TRAPPC13: variants seen among roughly 807,000 people sequenced by gnomAD.
TRAPPC13 encodes the protein trafficking protein particle complex subunit 13, also known as REV7-interacting novel NHEJ regulator 1.
A neutral mutation model predicts 54.0 loss-of-function variants in TRAPPC13; 39 were observed. That is an observed-to-expected ratio of 0.72 (90% CI 0.56 to 0.94). The LOEUF (loss-of-function observed/expected upper bound fraction) is 0.94, where lower values mean the gene tolerates loss of function less well. Ranked by LOEUF, TRAPPC13 falls within the 40% of genes least tolerant of loss-of-function variation. The pLI, the probability that TRAPPC13 is intolerant of heterozygous loss-of-function variation, is 0.00. For missense variants in TRAPPC13, 386 were observed against 488.1 expected (o/e 0.79, Z 1.97); for synonymous variants, 148 against 167.7 (o/e 0.88, Z 0.91).
At chr5:65,642,747 A>T (rs968793813) in intron 4 of TRAPPC13, among the ~76,000 whole-genome samples, 2 of 152,060 alleles carry the variant, frequency 1.3e-5, no homozygotes, top group Non-Finnish European at 2.9e-5. Flanking sequence ...TGTAGCCTCC[A>T]CCTCCAAGGT....
At position 65,657,026 on chromosome 5, in the gene TRAPPC13, G is replaced by A. The variant is rs576793999; in HGVS notation, c.565-1342G>A. Among the ~76,000 whole-genome samples, 934 of 145,380 alleles carry A rather than the reference G, an allele frequency of 6.4e-3. 11 individuals are homozygous for A. The highest frequency in any genetic ancestry group is 0.022 in the African/African-American group (880 of 39,196). ...TGGGAGGTGGAGGTTGCAGTGAGAGGAGATCTTGCCACTGCATTCTACTCT... is the reference window on the plus strand; with the variant it reads ...TGGGAGGTGGAGGTTGCAGTGAGAGAAGATCTTGCCACTGCATTCTACTCT... On this transcript the variant is annotated intron_variant, in intron 8 of 12. Transcript: ENST00000399438.
At chr5:65,628,408 A>G (rs948777701) in intron 1 of TRAPPC13, among the ~76,000 whole-genome samples, 1 of 152,104 alleles carries the variant, frequency 6.6e-6, no homozygotes, top group Non-Finnish European at 1.5e-5. Context: ...ACAGAGAATG[A>G]CGTGAAATCA....
chr5:65,629,355 G>A, intron 1 of TRAPPC13: 3 of 736,874 alleles, frequency 4.1e-6, no homozygotes, highest in Non-Finnish European at 5.6e-6. Context: ...TAGCACTTTG[G>A]TAAAATACCA....
chr5:65,649,765 T>C lies in TRAPPC13; in HGVS notation c.429-1045T>C, dbSNP rs548111855. 3.3e-5 allele frequency among the ~76,000 whole-genome samples: 5 copies of C among 152,318 alleles called. No individual in the cohort carries two copies. In the South Asian group the frequency reaches 1.0e-3, roughly 32 times the overall value. On this transcript the variant is annotated intron_variant, in intron 5 of 12. Transcript: ENST00000399438. ...CAAGTATTTTATCCTAGTTTGTTTC[T>C]GCTTTGTAATTGTTTTAGTGTTTTT... is the stretch of plus-strand genomic sequence containing the variant.
chr5:65,647,273 T>C (rs1756251331), intron 5 of TRAPPC13, 91 bp downstream of exon 5: 3 of 1,135,474 alleles, frequency 2.6e-6, no homozygotes, highest in South Asian at 3.4e-5. Context: ...CCATGAAGCA[T>C]AGGAACCTAC....
intron 6 of TRAPPC13, among the ~76,000 whole-genome samples, chr5:65,651,371 ACT>A (rs1756426427): frequency 6.6e-6 from 1 of 152,164 alleles, no homozygotes; most frequent in African/African-American, 2.4e-5. Context: ...ACAGAACAAG[ACT>A]CTGTCTCCGA....
intron 11 of TRAPPC13, 61 bp from the exon 12 acceptor site, chr5:65,664,176 T>C: frequency 1.3e-6 from 2 of 1,529,630 alleles, no homozygotes. Flanking sequence ...AGTAGAAATA[T>C]TGCAGTACCT....
intron 1 of TRAPPC13, among the ~76,000 whole-genome samples, chr5:65,631,410 G>A (rs1237069540): frequency 6.6e-6 from 1 of 152,104 alleles, no homozygotes; most frequent in Non-Finnish European, 1.5e-5. Context: ...GGGTACATGT[G>A]CAGATTTGTG....
chr5:65,652,522 A>C lies in TRAPPC13; in HGVS notation c.523A>C (p.Lys175Gln). The C allele has an allele frequency of 6.2e-7, 1 of 1,609,802 alleles. No homozygotes were observed. Among genetic ancestry groups the C allele is most frequent in the Non-Finnish European group, 8.5e-7 (1 of 1,176,538 alleles). ...KFQVLKPLDV[K>Q]TKFYNAESDL... ...CCAGGTTCTCAAACCATTGGATGTGAAAACCAAATTTTACAATGCAGAGGT... is the reference window on the plus strand; with the variant it reads ...CCAGGTTCTCAAACCATTGGATGTGCAAACCAAATTTTACAATGCAGAGGT... Residue 175 changes from lysine to glutamine, a missense_variant, in exon 7 of 13, where the codon AAA (lysine) becomes CAA (glutamine). Coordinates refer to ENST00000399438, the MANE Select transcript of TRAPPC13 (RefSeq NM_024941.4).
chr5:65,657,333 G>T (rs942537320), intron 8 of TRAPPC13, among the ~76,000 whole-genome samples: 2 of 152,146 alleles, frequency 1.3e-5, no homozygotes, highest in Admixed American at 6.5e-5. Context: ...AGTGTACCAA[G>T]ATCACCCCAC....
rs1756984623 is a variant in TRAPPC13 at position 65,664,959 on chromosome 5, A to C, written c.*348A>C. Reference sequence around the variant, plus strand: ...TTTTTATGTAAGGTACAAGATACTAAATATTTTAGGCTTTGCAGGCCGTAA... The same window carrying C: ...TTTTTATGTAAGGTACAAGATACTACATATTTTAGGCTTTGCAGGCCGTAA... On this transcript the variant is annotated 3_prime_UTR_variant, in exon 13 of 13. Transcript: ENST00000399438. 8.3e-6 allele frequency: 2 copies of C among 239,532 alleles called. No individual in the cohort carries two copies. The highest frequency in any genetic ancestry group is 1.4e-4 in the East Asian group (1 of 7,070). 14.8% of individuals were successfully genotyped at this position (239,532 alleles called of 1,614,324 possible).
At chr5:65,640,624 A>AAGTAT (rs1755930507) in intron 4 of TRAPPC13, among the ~76,000 whole-genome samples, 1 of 152,220 alleles carries the variant, frequency 6.6e-6, no homozygotes, top group Non-Finnish European at 1.5e-5. Context: ...GAGAACATAT[A>AAGTAT]CTTTTGTCTT....
chr5:65,654,265 A>T (rs1693814728), intron 7 of TRAPPC13, among the ~76,000 whole-genome samples: 1 of 152,190 alleles, frequency 6.6e-6, no homozygotes, highest in South Asian at 2.1e-4. Flanking sequence ...ATTTTTCATT[A>T]TACATACTCT....
intron 1 of TRAPPC13, chr5:65,634,857 C>T: frequency 1.1e-5 from 5 of 442,620 alleles, no homozygotes; most frequent in Non-Finnish European, 1.5e-5. Context: ...CGAGATCGCA[C>T]CACTACACTC....
At chr5:65,628,675 T>C (rs566307097) in intron 1 of TRAPPC13, among the ~76,000 whole-genome samples, 56 of 152,072 alleles carry the variant, frequency 3.7e-4, no homozygotes, top group Non-Finnish European at 6.8e-4. Context: ...TTTCACCATG[T>C]TGGCCAGGCT....
chr5:65,660,638 A>G (rs974492786), intron 9 of TRAPPC13, 61 bp from the exon 10 acceptor site: 4 of 1,382,218 alleles, frequency 2.9e-6, no homozygotes, highest in South Asian at 1.6e-5. Flanking sequence ...AATCACAGCC[A>G]TGGTTTTTCT....
At chr5:65,645,646 T>C (rs1028705940) in intron 4 of TRAPPC13, among the ~76,000 whole-genome samples, 1 of 151,818 alleles carries the variant, frequency 6.6e-6, no homozygotes, top group Non-Finnish European at 1.5e-5. Flanking sequence ...CTACTAAAAA[T>C]ACAAAAAATT....
intron 9 of TRAPPC13, among the ~76,000 whole-genome samples, 170 bp downstream of exon 9, chr5:65,658,671 C>T (rs974373141): frequency 2.0e-5 from 3 of 151,478 alleles, no homozygotes; most frequent in Non-Finnish European, 4.4e-5. Context: ...TTCCACTCCT[C>T]ACAGTTTCTC....
intron 6 of TRAPPC13, 24 bp downstream of exon 6, chr5:65,650,906 T>C: frequency 1.3e-6 from 2 of 1,520,570 alleles, no homozygotes; most frequent in Non-Finnish European, 1.8e-6. Flanking sequence ...CAATGGTAAA[T>C]AGTTTTTATA....
Sources: allele counts gnomAD v4.1 joint callset (sites outside exome capture counted in the v4.1 genomes callset), GRCh38; gene constraint gnomAD v4.1.1; transcripts MANE v1.5; gene names NCBI Gene and HGNC (gene_info 2026-07-23, HGNC 2026-07-21).